The following RBFOX1 variants were observed in gnomAD, a reference collection of about 807,000 sequenced individuals.
RBFOX1 encodes the protein RNA binding fox-1 homolog 1, also known as RNA binding protein fox-1 homolog 1.
Under a neutral mutation model 57.7 loss-of-function variants are expected in RBFOX1, and 8 were observed. That is an observed-to-expected ratio of 0.14 (90% CI 0.08 to 0.25). The LOEUF (loss-of-function observed/expected upper bound fraction) is 0.25. Among genes scored for constraint, RBFOX1 ranks in the 10% least tolerant of loss-of-function variants. The pLI, the probability that RBFOX1 is intolerant of heterozygous loss-of-function variation, is 1.00. For synonymous variants in RBFOX1, 326 were observed against 222.4 expected, an observed-to-expected ratio of 1.47 and a Z score of -4.15; for missense variants, 611 against 548.5, an observed-to-expected ratio of 1.11 and a Z score of -1.14.
chr16:5,798,411 C>G (rs1297379926), intron 3 of RBFOX1, among the ~76,000 whole-genome samples: 1 of 152,134 alleles, frequency 6.6e-6, no homozygotes, highest in African/African-American at 2.4e-5. Context: ...GAGCTTTGTT[C>G]TAAAGGATGA....
chr16:6,685,665 T>C (rs1045699835), intron 3 of RBFOX1, among the ~76,000 whole-genome samples: 10 of 152,086 alleles, frequency 6.6e-5, no homozygotes, highest in Admixed American at 2.0e-4. Flanking sequence ...TCCATACTTA[T>C]TGTAGAACAT....
intron 1 of RBFOX1, among the ~76,000 whole-genome samples, chr16:5,354,724 A>G (rs1240018249): frequency 6.6e-6 from 1 of 152,190 alleles, no homozygotes; most frequent in African/African-American, 2.4e-5. Flanking sequence ...TCCTTCTGAT[A>G]GGACAAACGT....
intron 3 of RBFOX1, among the ~76,000 whole-genome samples, chr16:5,866,377 T>G (rs2057343663): frequency 6.6e-6 from 1 of 152,098 alleles, no homozygotes; most frequent in Non-Finnish European, 1.5e-5. Flanking sequence ...ACAATCACAG[T>G]GGGGGTTAGG....
At chr16:7,507,565 C>CTTTTTTTTTTT (rs3030308) in intron 4 of RBFOX1, among the ~76,000 whole-genome samples, 1 of 132,560 alleles carries the variant, frequency 7.5e-6, no homozygotes, top group African/African-American at 2.9e-5. Flanking sequence ...TTCTTTCTTT[C>CTTTTTTTTTTT]TTTTTTTTTT....
At chr16:7,399,164 C>T (rs967217151) in intron 4 of RBFOX1, among the ~76,000 whole-genome samples, 1 of 152,158 alleles carries the variant, frequency 6.6e-6, no homozygotes, top group African/African-American at 2.4e-5. Context: ...AAAGCAATGT[C>T]GGGCCAGGTG....
intron 3 of RBFOX1, 135 bp from the exon 4 acceptor site, chr16:7,051,922 G>C: frequency 7.3e-7 from 1 of 1,378,884 alleles, no homozygotes; most frequent in Non-Finnish European, 9.8e-7. Flanking sequence ...TAGACCTAAA[G>C]AAAAATTAAA....
At chr16:5,581,002 C>A (rs1276507762) in intron 2 of RBFOX1, among the ~76,000 whole-genome samples, 1 of 152,194 alleles carries the variant, frequency 6.6e-6, no homozygotes, top group Non-Finnish European at 1.5e-5. Context: ...TGGGATGATT[C>A]AAGGGCTGTC....
intron 4 of RBFOX1, among the ~76,000 whole-genome samples, chr16:7,272,713 G>A (rs868687804): frequency 2.3e-4 from 35 of 152,096 alleles, no homozygotes; most frequent in Middle Eastern, 6.3e-3. Context: ...GAGAGGAAGG[G>A]AGGAAACAGA....
intron 1 of RBFOX1, among the ~76,000 whole-genome samples, chr16:5,402,017 A>G (rs564789): frequency 0.085 from 12,918 of 152,152 alleles, 795 homozygotes; most frequent in African/African-American, 0.16. Flanking sequence ...TTAGTAAATG[A>G]CCTATTTCCA....
intron 3 of RBFOX1, among the ~76,000 whole-genome samples, chr16:6,821,895 A>G (rs11646786): frequency 0.12 from 18,239 of 152,150 alleles, 1,347 homozygotes; most frequent in Non-Finnish European, 0.17. Flanking sequence ...TGAAATTGCT[A>G]GGTCATATGG....
rs150153235 is a variant in RBFOX1, at chr16:7,194,258, G to C, written c.27+142160G>C. On this transcript the variant is annotated intron_variant, in intron 4 of 15. Coordinates refer to ENST00000550418, the MANE Select transcript of RBFOX1 (RefSeq NM_018723.4). ...AATGGTTGTTAGATTTTAATAACTT[G>C]TGATTGCACTGTATTTATTTTATGG... is the stretch of plus-strand genomic sequence containing the variant. Among the ~76,000 whole-genome samples the C allele has an allele frequency of 1.1e-4, 16 of 152,322 alleles. No individual in the cohort carries two copies. The East Asian group carries it at 3.1e-3, about 29-fold the overall frequency.
intron 4 of RBFOX1, among the ~76,000 whole-genome samples, chr16:7,118,268 T>C (rs547124845): frequency 1.3e-5 from 2 of 152,286 alleles, no homozygotes; most frequent in East Asian, 3.9e-4. Context: ...TTTCACTTTT[T>C]AACAGTGGTC....
chr16:7,638,133 G>T (rs8054944), intron 11 of RBFOX1, among the ~76,000 whole-genome samples: 139,407 of 152,170 alleles, frequency 0.92, 64,184 homozygotes, highest in East Asian at 1. Context: ...GTTCTGCAAC[G>T]ACAGTGAACG....
At chr16:7,613,118 G>A (rs2057834807) in intron 10 of RBFOX1, among the ~76,000 whole-genome samples, 1 of 152,136 alleles carries the variant, frequency 6.6e-6, no homozygotes, top group African/African-American at 2.4e-5. Flanking sequence ...TAAAAATAAG[G>A]AGATGCAGAG....
At chr16:5,935,364 G>A (rs1407385856) in intron 4 of RBFOX1, among the ~76,000 whole-genome samples, 4 of 152,206 alleles carry the variant, frequency 2.6e-5, no homozygotes, top group African/African-American at 7.2e-5. Context: ...GAGGGTGGAA[G>A]GAGGACCATG....
intron 4 of RBFOX1, among the ~76,000 whole-genome samples, chr16:7,131,812 C>T (rs1264271281): frequency 6.6e-6 from 1 of 151,938 alleles, no homozygotes; most frequent in South Asian, 2.1e-4. Flanking sequence ...TATTGGGATA[C>T]ATGAGATTAA....
chr16:6,424,682 C>T (rs532428147), intron 2 of RBFOX1, among the ~76,000 whole-genome samples: 2 of 151,438 alleles, frequency 1.3e-5, no homozygotes, highest in African/African-American at 4.9e-5. Flanking sequence ...AGGATGTTCA[C>T]TGCAGCATTG....
intron 5 of RBFOX1, among the ~76,000 whole-genome samples, chr16:7,523,084 A>C (rs2077877252): frequency 6.6e-6 from 1 of 152,202 alleles, no homozygotes. Context: ...CAGTAACCTC[A>C]AACATTATGT....
chr16:6,623,522 C>T (rs540700058), intron 2 of RBFOX1, among the ~76,000 whole-genome samples: 1 of 151,696 alleles, frequency 6.6e-6, no homozygotes, highest in African/African-American at 2.4e-5. Flanking sequence ...CATACGTTTG[C>T]CATGTTGGTG....
Sources: gnomAD v4.1 joint callset for allele counts (sites outside exome capture counted in the v4.1 genomes callset) on GRCh38, gnomAD v4.1.1 for gene constraint, MANE v1.5 for transcripts, NCBI Gene and HGNC (gene_info 2026-07-23, HGNC 2026-07-21) for gene names.